ODF2L: variants seen among roughly 807,000 people sequenced by gnomAD.
ODF2L encodes outer dense fiber of sperm tails 2 like.
ODF2L carries 76 observed loss-of-function variants against 86.3 expected under a neutral mutation model. The observed-to-expected ratio is 0.88, with a 90% CI of 0.73 to 1.07. The LOEUF is 1.07. Ranked by LOEUF, ODF2L falls within the 50% of genes least tolerant of loss-of-function variation. ODF2L has a pLI of 0.00. For missense variants in ODF2L, 748 were observed against 717.4 expected, an observed-to-expected ratio of 1.04 and a Z score of -0.49; for synonymous variants, 241 against 231.3, an observed-to-expected ratio of 1.04 and a Z score of -0.38.
intron 11 of ODF2L, among the ~76,000 whole-genome samples, chr1:86,361,729 A>C (rs949001734): frequency 6.6e-6 from 1 of 152,188 alleles, no homozygotes; most frequent in Non-Finnish European, 1.5e-5. Flanking sequence ...ATTATATATT[A>C]ATTAGGACAA....
At chr1:86,395,523 C>G (rs1661672574) in intron 1 of ODF2L, among the ~76,000 whole-genome samples, 1 of 152,184 alleles carries the variant, frequency 6.6e-6, no homozygotes, top group African/African-American at 2.4e-5. Context: ...CTCCACGACC[C>G]TAGGTCAATC....
chr1:86,360,587 C>T (rs1259219934), intron 11 of ODF2L, 51 bp from the exon 11 acceptor site: 1 of 726,950 alleles, frequency 1.4e-6, no homozygotes, highest in South Asian at 1.9e-5. Flanking sequence ...ATTTATACTC[C>T]AGTGCTACAG....
At position 86,352,034 on chromosome 1, in the gene ODF2L, T is replaced by C; in HGVS notation, c.*157A>G. On this transcript the variant is annotated 3_prime_UTR_variant, in exon 18 of 18. Transcript: ENST00000317336. ...AAAGTTTAGAAATAAATGGAAGGCCTGTGCTAAATTAAAGGTGATCGACGT... is the reference window on the plus strand; with the variant it reads ...AAAGTTTAGAAATAAATGGAAGGCCCGTGCTAAATTAAAGGTGATCGACGT... 3.1e-6 allele frequency: 4 copies of C among 1,302,876 alleles called. No homozygotes were observed. In the South Asian group the frequency reaches 1.1e-4, roughly 35 times the overall value. The allele number at this position is 1,302,876 out of a possible 1,614,324, so 80.7% of individuals were successfully genotyped here. A position where few individuals can be genotyped will look rare whatever the true frequency, so the allele number is the denominator to read the frequency against.
intron 17 of ODF2L, 57 bp downstream of exon 16, chr1:86,352,802 A>G (rs1658240489): frequency 1.9e-6 from 2 of 1,059,676 alleles, no homozygotes; most frequent in Non-Finnish European, 1.4e-6. Flanking sequence ...TATTTTCTAC[A>G]TGGTAAGAAT....
intron 11 of ODF2L, among the ~76,000 whole-genome samples, chr1:86,365,392 C>T (rs143886771): frequency 2.1e-3 from 313 of 152,096 alleles, no homozygotes; most frequent in Non-Finnish European, 3.9e-3. Context: ...TAAAACAATC[C>T]CTGGCCCTGG....
downstream of ODF2L, chr1:86,349,831 G>A (rs1265502434): frequency 6.6e-6 from 1 of 152,094 alleles, no homozygotes; most frequent in African/African-American, 2.4e-5. Context: ...ACCCTATTAG[G>A]GTACTTGGAC....
In ODF2L at chr1:86,375,982, A is replaced by G. The variant is rs78843993; in HGVS notation, c.810+251T>C. Among the ~76,000 whole-genome samples the G allele has an allele frequency of 0.011, 1,697 of 152,236 alleles. 67 individuals carry two copies. In the East Asian group the frequency reaches 0.12, roughly 10 times the overall value. On this transcript the variant is annotated intron_variant, in intron 8 of 17. Coordinates refer to ENST00000317336, the Ensembl canonical transcript of ODF2L. ...CAATAGAACCTTTTTTTGTGTGTGGAGGCGGGGGGGACACACTTAATATTT... is the reference window on the plus strand; with the variant it reads ...CAATAGAACCTTTTTTTGTGTGTGGGGGCGGGGGGGACACACTTAATATTT...
intron 11 of ODF2L, among the ~76,000 whole-genome samples, chr1:86,363,701 C>A (rs1467169059): frequency 6.6e-6 from 1 of 151,864 alleles, no homozygotes. Flanking sequence ...TATATATATG[C>A]TAAAATATTA....
At chr1:86,381,573 G>C (rs1660591424) in intron 7 of ODF2L, among the ~76,000 whole-genome samples, 1 of 151,776 alleles carries the variant, frequency 6.6e-6, no homozygotes, top group Non-Finnish European at 1.5e-5. Flanking sequence ...TTGAGTCTCT[G>C]TAACCTCTCA....
chr1:86,350,575 T>A (rs942051563), exon 18 of ODF2L: 5 of 152,218 alleles, frequency 3.3e-5, no homozygotes, highest in Non-Finnish European at 4.4e-5. Flanking sequence ...TGTGCATGTG[T>A]CTCTATAGCA....
chr1:86,350,065 G>C, downstream of ODF2L: 1 of 474,242 alleles, frequency 2.1e-6, no homozygotes, highest in Non-Finnish European at 2.8e-6. Context: ...AATTTTACTA[G>C]TACAAAACTT....
chr1:86,354,437 G>C, intron 16 of ODF2L, 93 bp downstream of exon 15: 1 of 804,512 alleles, frequency 1.2e-6, no homozygotes, highest in Non-Finnish European at 2.0e-6. Context: ...CCTGTCATCA[G>C]GACAAAAACA....
chr1:86,360,551 A>T lies in ODF2L; in HGVS notation c.1144-15T>A, dbSNP rs1049282355. 7 of 1,210,166 alleles carry T rather than the reference A, an allele frequency of 5.8e-6. No individual in the cohort carries two copies. The highest frequency in any genetic ancestry group is 8.4e-6 in the Non-Finnish European group (7 of 829,204). 75.0% of individuals were successfully genotyped at this position (1,210,166 alleles called of 1,614,324 possible). A position where few individuals can be genotyped will look rare whatever the true frequency, so the allele number is the denominator to read the frequency against. On this transcript the variant is annotated splice_polypyrimidine_tract_variant and intron_variant, in intron 11 of 17. Transcript: ENST00000317336. ...GCAAGTGTAGTCTAGCAAAAAAGAT[A>T]TAGATTTTATAAGTCATTAGAATAC...
At chr1:86,371,247 G>C in intron 9 of ODF2L, 94 bp from the exon 10 acceptor site, 1 of 591,832 alleles carries the variant, frequency 1.7e-6, no homozygotes, top group East Asian at 3.2e-5. Flanking sequence ...CTTTGGCCGG[G>C]TGCATCGTTT....
chr1:86,385,484 T>C lies in ODF2L; in HGVS notation c.220A>G (p.Thr74Ala), dbSNP rs1418488798. ...TTTTCAAAATTAATCTTTTCAATGG[T>C]GTCCTTAAATAGTGGCAAAAGCAAT... Residue 74 changes from threonine to alanine, a missense_variant, in exon 3 of 18, where the codon ACC (threonine) becomes GCC (alanine). By Grantham distance (58) the Thr-to-Ala change is moderately conservative. Coordinates refer to ENST00000317336, the Ensembl canonical transcript of ODF2L. 1.9e-6 allele frequency: 3 copies of C among 1,591,170 alleles called. No individual in the cohort carries two copies. The South Asian group carries it at 3.3e-5, about 18-fold the overall frequency.
rs575872395 is a variant in ODF2L at position 86,366,612 on chromosome 1, A to C, written c.1143+2024T>G. On this transcript the variant is annotated intron_variant, in intron 11 of 17. Coordinates refer to ENST00000317336, the Ensembl canonical transcript of ODF2L. ...CAGAGCAAGACTCTGTCTCAAAAAA[A>C]AAAAGTGCCAATTGGAAACAATAAA... Among the ~76,000 whole-genome samples the C allele has an allele frequency of 6.6e-5, 10 of 151,992 alleles. No homozygotes were observed. The East Asian group carries it at 1.9e-3, about 29-fold the overall frequency.
chr1:86,378,139 T>C (rs1660306963), intron 7 of ODF2L, among the ~76,000 whole-genome samples: 1 of 152,200 alleles, frequency 6.6e-6, no homozygotes, highest in Non-Finnish European at 1.5e-5. Flanking sequence ...CCAGATACCC[T>C]AAATCATCTC....
chr1:86,359,278 A>C (rs183029151), intron 12 of ODF2L, among the ~76,000 whole-genome samples: 4 of 151,984 alleles, frequency 2.6e-5, no homozygotes, highest in South Asian at 2.1e-4. Flanking sequence ...CTGCACCCAG[A>C]ATATGGTCAC....
exon 4 of ODF2L, chr1:86,384,759 CCTT>C: frequency 6.6e-7 from 1 of 1,525,036 alleles, no homozygotes; most frequent in Admixed American, 2.2e-5. Flanking sequence ...ATTAATATTT[CCTT>C]CTGTTCAGAA....
Sources: allele counts gnomAD v4.1 joint callset (sites outside exome capture counted in the v4.1 genomes callset), GRCh38; gene constraint gnomAD v4.1.1; transcripts MANE v1.5; gene names NCBI Gene and HGNC (gene_info 2026-07-23, HGNC 2026-07-21).